The following FGF14 variants were observed in gnomAD, a reference collection of about 807,000 sequenced individuals.
The protein encoded by FGF14 is fibroblast growth factor homologous factor 4.
A neutral mutation model predicts 25.5 loss-of-function variants in FGF14; 5 were observed. The ratio of observed to expected loss-of-function variants is 0.20; its 90% confidence interval spans 0.10 to 0.41. FGF14 has a LOEUF of 0.41. Among genes scored for constraint, FGF14 ranks in the 10% least tolerant of loss-of-function variants. FGF14 has a pLI of 1.00. For missense variants in FGF14, 222 were observed against 320.1 expected, an observed-to-expected ratio of 0.69 and a Z score of 2.34; for synonymous variants, 138 against 118.3, an observed-to-expected ratio of 1.17 and a Z score of -1.08.
intron 1 of FGF14, among the ~76,000 whole-genome samples, chr13:101,930,731 A>C (rs1489091974): frequency 6.6e-6 from 1 of 152,204 alleles, no homozygotes; most frequent in Non-Finnish European, 1.5e-5. Context: ...AGTTAAACTA[A>C]TACTGCTAAT....
intron 1 of FGF14, among the ~76,000 whole-genome samples, chr13:102,234,927 A>G (rs1387440045): frequency 1.3e-5 from 2 of 152,174 alleles, no homozygotes; most frequent in Non-Finnish European, 2.9e-5. Flanking sequence ...TAGGAGAAGT[A>G]AAGTCTTGTT....
chr13:101,881,430 T>G (rs2045704384), intron 1 of FGF14, among the ~76,000 whole-genome samples: 2 of 152,222 alleles, frequency 1.3e-5, no homozygotes, highest in African/African-American at 2.4e-5. Flanking sequence ...CAAAGATGAA[T>G]AATTGTATGA....
chr13:102,068,162 A>C (rs920419558), intron 1 of FGF14, among the ~76,000 whole-genome samples: 1 of 152,252 alleles, frequency 6.6e-6, no homozygotes, highest in African/African-American at 2.4e-5. Flanking sequence ...TGCTAAAGGT[A>C]GTTCTTCAAT....
At chr13:101,898,399 C>G (rs1235084056) in intron 1 of FGF14, among the ~76,000 whole-genome samples, 1 of 148,586 alleles carries the variant, frequency 6.7e-6, no homozygotes, top group Non-Finnish European at 1.5e-5. Context: ...TGAGTATTGA[C>G]AGAAATACCC....
chr13:102,282,076 CT>C (rs1566897301), intron 1 of FGF14, among the ~76,000 whole-genome samples: 1 of 92,082 alleles, frequency 1.1e-5, no homozygotes, highest in East Asian at 3.8e-4. Context: ...TTTTTTTTTT[CT>C]TCCTTTGAGA....
intron 1 of FGF14, among the ~76,000 whole-genome samples, chr13:102,317,920 C>T (rs537006518): frequency 1.3e-5 from 2 of 152,316 alleles, no homozygotes; most frequent in South Asian, 4.1e-4. Flanking sequence ...TAGAGTCCAG[C>T]TCAGATAAAT....
chr13:102,194,126 CT>C (rs1331231985), intron 1 of FGF14, among the ~76,000 whole-genome samples: 1 of 151,928 alleles, frequency 6.6e-6, no homozygotes, highest in Non-Finnish European at 1.5e-5. Context: ...TTCTAGAGCT[CT>C]AAGATACAAT....
intron 1 of FGF14, among the ~76,000 whole-genome samples, chr13:101,943,938 T>C (rs1405332369): frequency 7.0e-6 from 1 of 143,394 alleles, no homozygotes; most frequent in Non-Finnish European, 1.5e-5. Context: ...GGAGGCGGGG[T>C]TGTGGTGAGC....
At chr13:102,364,503 A>G (rs1167331050) in intron 1 of FGF14, among the ~76,000 whole-genome samples, 1 of 152,176 alleles carries the variant, frequency 6.6e-6, no homozygotes, top group Non-Finnish European at 1.5e-5. Flanking sequence ...GCTCTTCACT[A>G]TTTCATGCTT....
At chr13:102,271,407 C>T (rs2053239379) in intron 1 of FGF14, among the ~76,000 whole-genome samples, 1 of 152,168 alleles carries the variant, frequency 6.6e-6, no homozygotes, top group African/African-American at 2.4e-5. Flanking sequence ...ACTCCATGAA[C>T]ATTTATAACT....
At chr13:102,086,070 GATTA>G (rs1211873891) in intron 1 of FGF14, among the ~76,000 whole-genome samples, 2 of 152,178 alleles carry the variant, frequency 1.3e-5, no homozygotes, top group African/African-American at 4.8e-5. Flanking sequence ...CCCATGTAGG[GATTA>G]ATTAACAGAA....
intron 3 of FGF14, among the ~76,000 whole-genome samples, chr13:101,766,942 C>A (rs7328216): frequency 0.43 from 64,632 of 151,972 alleles, 14,936 homozygotes; most frequent in Middle Eastern, 0.52. Flanking sequence ...ATAAATAATA[C>A]AGGTAGTTTT....
intron 3 of FGF14, among the ~76,000 whole-genome samples, chr13:101,858,836 G>A (rs78098058): frequency 3.9e-5 from 6 of 151,998 alleles, no homozygotes; most frequent in African/African-American, 1.4e-4. Flanking sequence ...AATTATTAAT[G>A]CTCTTGCTTT....
At chr13:102,018,744 T>C (rs2040480539) in intron 1 of FGF14, among the ~76,000 whole-genome samples, 1 of 152,006 alleles carries the variant, frequency 6.6e-6, no homozygotes, top group Admixed American at 6.6e-5. Flanking sequence ...AAACTCTTCC[T>C]CTTAAGTCTC....
At chr13:102,028,992 C>T (rs2041077008) in intron 1 of FGF14, among the ~76,000 whole-genome samples, 1 of 152,012 alleles carries the variant, frequency 6.6e-6, no homozygotes, top group Non-Finnish European at 1.5e-5. Flanking sequence ...AGAACACATT[C>T]TCTGGGCATG....
chr13:101,771,375 ACC>A (rs67253546), intron 3 of FGF14, among the ~76,000 whole-genome samples: 64,119 of 151,608 alleles, frequency 0.42, 14,755 homozygotes, highest in Non-Finnish European at 0.52. Flanking sequence ...ATGCCCCCCC[ACC>A]CAAGTATTGA....
chr13:102,200,808 GAT>G (rs2049585036), intron 1 of FGF14, among the ~76,000 whole-genome samples: 1 of 151,976 alleles, frequency 6.6e-6, no homozygotes, highest in African/African-American at 2.4e-5. Flanking sequence ...GATGTGGGCA[GAT>G]ATAAACAACA....
chr13:102,120,956 G>A (rs574436622), intron 1 of FGF14, among the ~76,000 whole-genome samples: 1 of 152,152 alleles, frequency 6.6e-6, no homozygotes, highest in East Asian at 1.9e-4. Flanking sequence ...CGCCTGCCTC[G>A]GCCTCCCAAA....
intron 1 of FGF14, among the ~76,000 whole-genome samples, chr13:102,349,576 T>A (rs1441981796): frequency 1.3e-5 from 2 of 152,200 alleles, no homozygotes; most frequent in African/African-American, 4.8e-5. Context: ...GTCATAAAAA[T>A]CTGCAAACTT....
Sources: allele counts gnomAD v4.1 joint callset (sites outside exome capture counted in the v4.1 genomes callset), GRCh38; gene constraint gnomAD v4.1.1; transcripts MANE v1.5; gene names NCBI Gene and HGNC (gene_info 2026-07-23, HGNC 2026-07-21).